FHIT: variants seen among roughly 807,000 people sequenced by gnomAD.
The protein encoded by FHIT is bis(5'-adenosyl)-triphosphatase.
Under a neutral mutation model 17.9 loss-of-function variants are expected in FHIT, and 19 were observed. The ratio of observed to expected loss-of-function variants is 1.06; its 90% CI spans 0.74 to 1.56. The LOEUF is 1.56. Among genes scored for constraint, FHIT ranks in the 40% most tolerant of loss-of-function variants. FHIT has a pLI of 0.00. For synonymous variants in FHIT, 81 were observed against 69.7 expected, an observed-to-expected ratio of 1.16 and a Z score of -0.81; for missense variants, 248 against 189.2, an observed-to-expected ratio of 1.31 and a Z score of -1.82.
chr3:60,339,989 C>T (rs1347827174), intron 5 of FHIT, among the ~76,000 whole-genome samples: 1 of 152,028 alleles, frequency 6.6e-6, no homozygotes. Context: ...GTTTTGACAC[C>T]TCTGGTTTGA....
intron 2 of FHIT, among the ~76,000 whole-genome samples, chr3:61,196,052 C>G (rs1039015328): frequency 3.3e-5 from 5 of 151,940 alleles, no homozygotes; most frequent in Non-Finnish European, 7.4e-5. Flanking sequence ...TGTAATATAA[C>G]TATGTCAGGA....
At chr3:60,724,883 A>T (rs1716751) in intron 4 of FHIT, among the ~76,000 whole-genome samples, 28,258 of 151,902 alleles carry the variant, frequency 0.19, 2,921 homozygotes, top group African/African-American at 0.26. Context: ...TCCTGGCCTC[A>T]AGTGATCTTC....
At chr3:60,273,250 GAATT>G (rs1308769923) in intron 5 of FHIT, among the ~76,000 whole-genome samples, 1 of 152,098 alleles carries the variant, frequency 6.6e-6, no homozygotes, top group African/African-American at 2.4e-5. Flanking sequence ...GTATTTCTTT[GAATT>G]AATATCCAAT....
At chr3:59,869,275 G>A (rs1039512398) in intron 8 of FHIT, among the ~76,000 whole-genome samples, 30 of 152,010 alleles carry the variant, frequency 2.0e-4, no homozygotes, top group African/African-American at 7.0e-4. Context: ...TACCAGATGA[G>A]CCAAGAATAA....
intron 3 of FHIT, among the ~76,000 whole-genome samples, chr3:60,953,985 A>G (rs1234810294): frequency 6.6e-6 from 1 of 152,196 alleles, no homozygotes; most frequent in Non-Finnish European, 1.5e-5. Context: ...ATGGAGCCCA[A>G]AGGGTTTCTG....
intron 5 of FHIT, among the ~76,000 whole-genome samples, chr3:60,312,315 A>T (rs115946313): frequency 0.02 from 3,081 of 152,000 alleles, 44 homozygotes; most frequent in Non-Finnish European, 0.029. Context: ...TTTTTTAAAA[A>T]TTTTTTTGTA....
In FHIT at chr3:60,124,049, G is replaced by GAGACAGAGAGAC. The variant is rs1329419900; in HGVS notation, c.104-109898_104-109897insGTCTCTCTGTCT. Among the ~76,000 whole-genome samples, 38 of 109,450 alleles carry GAGACAGAGAGAC rather than the reference G, an allele frequency of 3.5e-4. 1 individual carries two copies. The highest frequency in any genetic ancestry group is 1.6e-3 in the African/African-American group (36 of 22,978). 71.8% of individuals were successfully genotyped at this position (109,450 alleles called of 152,430 possible). The stretch of plus-strand genomic sequence containing the variant: ...AGAGAGAGAGAGAGAGAGAGAGAGA[G>GAGACAGAGAGAC]AGAGAGACAGAGAGAGAGAGAGATA... On this transcript the variant is annotated intron_variant, in intron 5 of 9. Transcript: ENST00000492590.
In FHIT at chr3:60,609,364, C is replaced by T. The variant is rs111663525; in HGVS notation, c.-17-72385G>A. 9.9e-5 allele frequency among the ~76,000 whole-genome samples: 15 copies of T among 151,924 alleles called. No homozygotes were observed. In the East Asian group the frequency reaches 1.7e-3, roughly 18 times the overall value. On this transcript the variant is annotated intron_variant, in intron 4 of 9. Transcript: ENST00000492590. ...TTTTTGAGACTGAGTCTAGCTGTGT[C>T]GCCCAGGCTGGAGTGCAGTGGCGCC...
intron 4 of FHIT, among the ~76,000 whole-genome samples, chr3:60,668,372 A>G (rs144723044): frequency 9.2e-5 from 4 of 43,562 alleles, no homozygotes; most frequent in South Asian, 6.2e-4. Context: ...CTCAATCAGG[A>G]AAAAAAAAAA....
chr3:61,076,606 T>C (rs1020581650), intron 2 of FHIT, among the ~76,000 whole-genome samples: 4 of 152,192 alleles, frequency 2.6e-5, no homozygotes, highest in Admixed American at 2.6e-4. Context: ...AAAAGATGAA[T>C]TACTTATTGA....
At chr3:60,933,855 G>C (rs1708073558) in intron 3 of FHIT, among the ~76,000 whole-genome samples, 1 of 152,100 alleles carries the variant, frequency 6.6e-6, no homozygotes, top group African/African-American at 2.4e-5. Context: ...TCAGGCATAA[G>C]AGTAAGAATC....
At chr3:60,127,955 G>C (rs1705634238) in intron 5 of FHIT, among the ~76,000 whole-genome samples, 1 of 152,076 alleles carries the variant, frequency 6.6e-6, no homozygotes, top group Non-Finnish European at 1.5e-5. Context: ...ATTAGCCTTA[G>C]TAAGTTACAC....
intron 5 of FHIT, among the ~76,000 whole-genome samples, chr3:60,387,940 T>C (rs1357225993): frequency 6.6e-6 from 1 of 152,024 alleles, no homozygotes; most frequent in Non-Finnish European, 1.5e-5. Flanking sequence ...CTTAGTTCCT[T>C]CAGAACTGGT....
At chr3:59,906,399 C>T (rs1039480744) in intron 8 of FHIT, among the ~76,000 whole-genome samples, 1 of 152,176 alleles carries the variant, frequency 6.6e-6, no homozygotes, top group Non-Finnish European at 1.5e-5. Flanking sequence ...TTAAAAATTT[C>T]CCTCATTAGG....
chr3:60,629,099 C>T (rs1320066968), intron 4 of FHIT, among the ~76,000 whole-genome samples: 9 of 152,210 alleles, frequency 5.9e-5, no homozygotes, highest in African/African-American at 1.7e-4. Flanking sequence ...CTAAACTTTC[C>T]GCCACTCTCA....
intron 4 of FHIT, among the ~76,000 whole-genome samples, chr3:60,742,614 C>A (rs2042261865): frequency 6.6e-6 from 1 of 152,194 alleles, no homozygotes; most frequent in African/African-American, 2.4e-5. Flanking sequence ...AAATGTATTT[C>A]ATGACCAGCA....
intron 5 of FHIT, among the ~76,000 whole-genome samples, chr3:60,266,555 A>T (rs566779989): frequency 6.6e-6 from 1 of 152,084 alleles, no homozygotes; most frequent in African/African-American, 2.4e-5. Flanking sequence ...TATGCTACAT[A>T]TATTATATCT....
At chr3:61,241,306 T>A (rs2040368087) in intron 1 of FHIT, among the ~76,000 whole-genome samples, 1 of 152,174 alleles carries the variant, frequency 6.6e-6, no homozygotes, top group Non-Finnish European at 1.5e-5. Context: ...TCCTCAGGGC[T>A]CCAAACGCAT....
intron 3 of FHIT, among the ~76,000 whole-genome samples, chr3:60,828,734 C>T (rs1553741679): frequency 3.3e-5 from 5 of 152,038 alleles, no homozygotes; most frequent in Non-Finnish European, 1.5e-5. Context: ...AAAAATTAGC[C>T]AGGCATGGTG....
Sources: allele counts gnomAD v4.1 joint callset (sites outside exome capture counted in the v4.1 genomes callset), GRCh38; gene constraint gnomAD v4.1.1; transcripts MANE v1.5; gene names NCBI Gene and HGNC (gene_info 2026-07-23, HGNC 2026-07-21).